Variants in STIP1 observed in about 807,000 individuals in gnomAD.
STIP1 encodes stress-induced-phosphoprotein 1.
Under a neutral mutation model 77.4 loss-of-function variants are expected in STIP1, and 16 were observed. That is an observed-to-expected ratio of 0.21 (90% CI 0.14 to 0.31). The LOEUF is 0.31. STIP1 is among the 10% of genes least tolerant of loss of function. The pLI is 1.00. For missense variants in STIP1, 524 were observed against 684.8 expected (o/e 0.77, Z 2.62); for synonymous variants, 258 against 246.6 (o/e 1.05, Z -0.44).
chr11:64,203,676 G>GATGA, intron 13 of STIP1, 54 bp downstream of exon 13: 1 of 1,610,334 alleles, frequency 6.2e-7, no homozygotes, highest in South Asian at 1.1e-5. Context: ...AAAGCAGGCA[G>GATGA]ATGAGTGCAC....
At chr11:64,185,919 G>C (rs1350441858), upstream of STIP1, 37 of 1,536,200 alleles carry the variant, frequency 2.4e-5, no homozygotes, top group Non-Finnish European at 3.1e-5. Context: ...CAGTGCAAAA[G>C]ACCAATCCGT....
At chr11:64,196,349 G>A (rs1172830532) in intron 5 of STIP1, among the ~76,000 whole-genome samples, 1 of 140,858 alleles carries the variant, frequency 7.1e-6, no homozygotes, top group East Asian at 2.1e-4. Flanking sequence ...TAAGCTGAGA[G>A]CTCATCACTA....
chr11:64,203,203 C>T lies in STIP1; in HGVS notation c.1361C>T (p.Ala454Val), dbSNP rs769502004. The T allele has an allele frequency of 3.1e-6, 5 of 1,614,116 alleles. No homozygotes were observed. Among genetic ancestry groups the T allele is most frequent in the Admixed American group, 1.7e-5 (1 of 60,034 alleles). ...YTKAMDVYQK[A>V]LDLDSSCKEA... is the part of the protein sequence containing the mutation. Reference sequence around the variant, plus strand: ...AAAGCCATGGATGTGTACCAGAAGGCGCTAGACCTGGACTCCAGCTGTAAG... The same window carrying T: ...AAAGCCATGGATGTGTACCAGAAGGTGCTAGACCTGGACTCCAGCTGTAAG... Residue 454 changes from alanine to valine, a missense_variant, in exon 12 of 14, where the codon GCG (alanine) becomes GTG (valine). Coordinates refer to ENST00000305218, the MANE Select transcript of STIP1 (RefSeq NM_006819.3).
In STIP1 at chr11:64,195,637, AATACTAGGAAACTACAAGAT is replaced by A; in HGVS notation, c.504-7_516del. ...CAATTTTTCTTTATTTTTTTAAATC[AATACTAGGAAACTACAAGAT>A]CCCCGGATCATGACCACTCTCAGCG... is the stretch of plus-strand genomic sequence containing the variant. On this transcript the variant is annotated splice_acceptor_variant and splice_polypyrimidine_tract_variant and coding_sequence_variant and intron_variant, in exon 5 of 14. Coordinates refer to ENST00000305218, the MANE Select transcript of STIP1 (RefSeq NM_006819.3). LOFTEE classifies it high-confidence loss of function. The A allele has an allele frequency of 6.3e-7, 1 of 1,580,116 alleles. No individual in the cohort carries two copies. Among genetic ancestry groups the A allele is most frequent in the Non-Finnish European group, 8.6e-7 (1 of 1,167,392 alleles).
chr11:64,195,371 C>T (rs777528954), intron 4 of STIP1, among the ~76,000 whole-genome samples: 9 of 152,198 alleles, frequency 5.9e-5, no homozygotes, highest in Non-Finnish European at 1.0e-4. Flanking sequence ...CCGCCTCGGC[C>T]TCCCAAAGTG....
chr11:64,203,096 G>C, intron 11 of STIP1, 29 bp from the exon 12 acceptor site: 1 of 1,613,362 alleles, frequency 6.2e-7, no homozygotes, highest in Non-Finnish European at 8.5e-7. Flanking sequence ...CGCTGCGGTT[G>C]GATAACGCGC....
At chr11:64,197,796 G>A in intron 7 of STIP1, 58 bp from the exon 8 acceptor site, 1 of 1,588,518 alleles carries the variant, frequency 6.3e-7, no homozygotes, top group Non-Finnish European at 8.6e-7. Context: ...GTGTTTTTCT[G>A]CAGGAGCTGA....
At position 64,203,170 on chromosome 11, in the gene STIP1, A is replaced by G. The variant is rs1946239699; in HGVS notation, c.1328A>G (p.Asp443Gly). Residue 443 changes from aspartate to glycine, a missense_variant, in exon 12 of 14, where the codon GAC (aspartate) becomes GGC (glycine). By Grantham distance (94) the Asp-to-Gly change is moderately conservative. Transcript: ENST00000305218. The part of the protein sequence containing the change: ...RKAAALEAMK[D>G]YTKAMDVYQK... ...GCCGCTGCGCTGGAAGCGATGAAGGACTACACCAAAGCCATGGATGTGTAC... is the reference window on the plus strand; with the variant it reads ...GCCGCTGCGCTGGAAGCGATGAAGGGCTACACCAAAGCCATGGATGTGTAC... 2 of 1,614,254 alleles carry G rather than the reference A, an allele frequency of 1.2e-6. No individual in the cohort carries two copies. Among genetic ancestry groups the G allele is most frequent in the Non-Finnish European group, 1.7e-6 (2 of 1,180,052 alleles).
At position 64,186,203 on chromosome 11, in the gene STIP1, C is replaced by T. The variant is rs1050260697; in HGVS notation, c.-59C>T. ...AGTAGGTTCCAGAAGGCGGCGCGTG[C>T]GGTTGGGAACGCGGAGCGGACGGAT... is the stretch of plus-strand genomic sequence containing the variant. On this transcript the variant is annotated 5_prime_UTR_variant, in exon 1 of 14. Coordinates refer to ENST00000305218, the MANE Select transcript of STIP1 (RefSeq NM_006819.3). The T allele has an allele frequency of 3.4e-5, 52 of 1,550,288 alleles. No homozygotes were observed. Among genetic ancestry groups the T allele is most frequent in the African/African-American group, 5.5e-5 (4 of 72,926 alleles).
rs1322873177 is a variant in STIP1, at chr11:64,188,024, C to G, written c.9+1754C>G. 2.4e-5 allele frequency among the ~76,000 whole-genome samples: 3 copies of G among 126,510 alleles called. No individual in the cohort carries two copies. The Admixed American group carries it at 2.9e-4, about 12-fold the overall frequency. 83.0% of individuals were successfully genotyped at this position (126,510 alleles called of 152,430 possible). A position where few individuals can be genotyped will look rare whatever the true frequency, so the allele number is the denominator to read the frequency against. Reference sequence around the variant, plus strand: ...TCTCCCTCCAGCCTGGGCCACAGAGCGAGACTCCGTCTCAAAAAAAAAAAA... The same window carrying G: ...TCTCCCTCCAGCCTGGGCCACAGAGGGAGACTCCGTCTCAAAAAAAAAAAA... On this transcript the variant is annotated intron_variant, in intron 1 of 13. Transcript: ENST00000305218.
Position 64,193,146 on chromosome 11 carries a change from C to T in STIP1, c.78C>T (p.Cys26=). The T allele has an allele frequency of 6.2e-7, 1 of 1,614,186 alleles. No individual in the cohort carries two copies. Among genetic ancestry groups the T allele is most frequent in the Non-Finnish European group, 8.5e-7 (1 of 1,180,032 alleles). The change falls in exon 2 of 14, where the codon TGC becomes TGT. Residue 26 remains cysteine, a synonymous_variant. Transcript: ENST00000305218. ...SVGNIDDALQ[C]YSEAIKLDPH... Reference sequence around the variant, plus strand: ...GTAACATCGATGATGCCTTACAGTGCTACTCCGAAGCTATTAAGCTGGATC... The same window carrying T: ...GTAACATCGATGATGCCTTACAGTGTTACTCCGAAGCTATTAAGCTGGATC...
rs538810686 is a variant in STIP1 at position 64,190,005 on chromosome 11, T to C, written c.10-3073T>C. On this transcript the variant is annotated intron_variant, in intron 1 of 13. Coordinates refer to ENST00000305218, the MANE Select transcript of STIP1 (RefSeq NM_006819.3). Reference sequence around the variant, plus strand: ...GAGGATTCCAAAATCATTTCTCTCTTTTTTTTTTTTTTCCAAATAGAGTCT... The same window carrying C: ...GAGGATTCCAAAATCATTTCTCTCTCTTTTTTTTTTTTCCAAATAGAGTCT... Among the ~76,000 whole-genome samples, 98 of 149,320 alleles carry C rather than the reference T, an allele frequency of 6.6e-4. 2 individuals are homozygous for C. The East Asian group carries it at 0.016, about 24-fold the overall frequency.
At chr11:64,203,275 G>A in intron 12 of STIP1, 47 bp downstream of exon 12, 1 of 1,605,176 alleles carries the variant, frequency 6.2e-7, no homozygotes, top group South Asian at 1.1e-5. Flanking sequence ...CTCTTTCTCT[G>A]TTGGGGCTTT....
intron 1 of STIP1, among the ~76,000 whole-genome samples, chr11:64,190,808 A>G (rs1591005245): frequency 6.6e-6 from 1 of 152,040 alleles, no homozygotes. Context: ...AAGCCTGGGC[A>G]ATATGGTGAG....
At chr11:64,198,691 A>G (rs1202864566) in intron 8 of STIP1, among the ~76,000 whole-genome samples, 1 of 140,778 alleles carries the variant, frequency 7.1e-6, no homozygotes, top group Non-Finnish European at 1.5e-5. Flanking sequence ...ATCTTACATG[A>G]TTCTTTCTCT....
At chr11:64,193,326 C>T (rs904789397) in intron 2 of STIP1, 39 bp downstream of exon 2, 1 of 1,603,218 alleles carries the variant, frequency 6.2e-7, no homozygotes, top group African/African-American at 1.3e-5. Flanking sequence ...GCCCTTCAGA[C>T]CCTTCCAGAA....
intron 10 of STIP1, chr11:64,202,317 C>G (rs1269754795): frequency 6.6e-6 from 1 of 152,112 alleles, no homozygotes; most frequent in Admixed American, 6.6e-5. Flanking sequence ...ACTGCAACCT[C>G]TGCCTCCTGG....
At chr11:64,193,046 C>G (rs1372878476) in intron 1 of STIP1, 32 bp from the exon 2 acceptor site, 8 of 1,606,662 alleles carry the variant, frequency 5.0e-6, no homozygotes, top group Admixed American at 3.4e-5. Context: ...ATGGGCACAT[C>G]ATAGAGAAGC....
chr11:64,198,990 G>A (rs1946183130), intron 8 of STIP1, among the ~76,000 whole-genome samples: 1 of 150,444 alleles, frequency 6.6e-6, no homozygotes, highest in Non-Finnish European at 1.5e-5. Flanking sequence ...ACAAGGTCAG[G>A]AGTTCAAGAC....
Sources: allele counts gnomAD v4.1 joint callset (sites outside exome capture counted in the v4.1 genomes callset), GRCh38; gene constraint gnomAD v4.1.1; transcripts MANE v1.5; gene names NCBI Gene and HGNC (gene_info 2026-07-23, HGNC 2026-07-21).